MROH2B: variants seen among roughly 807,000 people sequenced by gnomAD.
MROH2B encodes maestro heat-like repeat-containing protein family member 2B.
In MROH2B, 177 loss-of-function variants were observed where a neutral mutation model predicts 208.6. That is an observed-to-expected ratio of 0.85 (90% confidence interval 0.75 to 0.96). MROH2B has a LOEUF of 0.96. MROH2B is among the 40% of genes least tolerant of loss of function. MROH2B has a pLI of 0.00. For synonymous variants in MROH2B, 728 were observed against 659.0 expected, an observed-to-expected ratio of 1.10 and a Z score of -1.60; for missense variants, 2,002 against 1,878.7, an observed-to-expected ratio of 1.07 and a Z score of -1.21.
chr5:41,010,373 G>A (rs530797193), intron 30 of MROH2B, among the ~76,000 whole-genome samples: 2 of 152,142 alleles, frequency 1.3e-5, no homozygotes, highest in South Asian at 4.1e-4. Flanking sequence ...TTTGCAAAAT[G>A]AGTGATCCAA....
intron 5 of MROH2B, among the ~76,000 whole-genome samples, chr5:41,062,361 G>C (rs891405846): frequency 2.6e-5 from 4 of 152,132 alleles, no homozygotes; most frequent in African/African-American, 9.7e-5. Context: ...GTTACCCTTT[G>C]AAGGTAACAT....
intron 1 of MROH2B, 94 bp downstream of exon 1, chr5:41,070,731 G>C (rs536504273): frequency 7.9e-7 from 1 of 1,265,138 alleles, no homozygotes; most frequent in East Asian, 2.5e-5. Flanking sequence ...CTCCCACAAT[G>C]ACGCGCCACT....
intron 30 of MROH2B, among the ~76,000 whole-genome samples, chr5:41,010,725 G>A (rs116479620): frequency 6.6e-6 from 1 of 152,148 alleles, no homozygotes; most frequent in Admixed American, 6.5e-5. Flanking sequence ...CAAACCCATA[G>A]ACTGTACAAC....
chr5:41,001,986 T>C (rs1371523744), intron 37 of MROH2B, among the ~76,000 whole-genome samples: 1 of 152,170 alleles, frequency 6.6e-6, no homozygotes, highest in Non-Finnish European at 1.5e-5. Flanking sequence ...TAAAAAATGA[T>C]GGCTTGTTGG....
At chr5:41,056,183 A>G (rs377568105) in intron 9 of MROH2B, among the ~76,000 whole-genome samples, 6 of 152,236 alleles carry the variant, frequency 3.9e-5, no homozygotes, top group African/African-American at 1.4e-4. Context: ...CAGGAAAAGG[A>G]GAAGAGACAT....
intron 7 of MROH2B, among the ~76,000 whole-genome samples, chr5:41,057,622 T>A (rs367764930): frequency 7.7e-6 from 1 of 129,726 alleles, no homozygotes; most frequent in Non-Finnish European, 1.6e-5. Context: ...AATGGCGCAA[T>A]CTCGGTTCAC....
chr5:41,054,987 C>T (rs1196500803), intron 10 of MROH2B, 147 bp from the exon 11 acceptor site: 1 of 496,108 alleles, frequency 2.0e-6, no homozygotes, highest in Non-Finnish European at 3.5e-6. Context: ...GCCCTCCCAT[C>T]CTCTTTGTTT....
chr5:41,015,324 C>T, intron 29 of MROH2B, 57 bp downstream of exon 29: 1 of 1,468,674 alleles, frequency 6.8e-7, no homozygotes, highest in Non-Finnish European at 9.5e-7. Context: ...ATGTAGCTTA[C>T]TCATTTGGAA....
At position 41,004,655 on chromosome 5, in the gene MROH2B, A is replaced by C; in HGVS notation, c.4011+119T>G. 5 of 1,519,352 alleles carry C rather than the reference A, an allele frequency of 3.3e-6. No homozygotes were observed. In the South Asian group the frequency reaches 5.2e-5, roughly 16 times the overall value. 94.1% of individuals were successfully genotyped at this position (1,519,352 alleles called of 1,614,324 possible). Reference sequence around the variant, plus strand: ...CATGTAGTTCAACCGAAGGACTACCACTTCAGCAATGTATCTGGATTTCCA... The same window carrying C: ...CATGTAGTTCAACCGAAGGACTACCCCTTCAGCAATGTATCTGGATTTCCA... On this transcript the variant is annotated intron_variant, in intron 36 of 41. Transcript: ENST00000399564.
intron 40 of MROH2B, among the ~76,000 whole-genome samples, chr5:40,999,147 C>A (rs1442969304): frequency 1.3e-5 from 2 of 152,150 alleles, no homozygotes; most frequent in Non-Finnish European, 2.9e-5. Flanking sequence ...ATAGAAGGAT[C>A]TCTAGAGATT....
At chr5:41,009,881 G>A (rs777047125) in intron 31 of MROH2B, 41 bp downstream of exon 31, 115 of 1,566,944 alleles carry the variant, frequency 7.3e-5, no homozygotes, top group Non-Finnish European at 9.7e-5. Context: ...CTTTCAGAGT[G>A]GCCTTCCCTA....
In MROH2B at chr5:41,012,727, A is replaced by G; in HGVS notation, c.2991T>C (p.Ser997=). Residue 997 remains serine, a synonymous_variant, in exon 30 of 42, where the codon AGT becomes AGC. Transcript: ENST00000399564. ...KISSKIAKIV[S]KFIPNEEILM... Reference sequence around the variant, plus strand: ...GAATTTCTTCATTTGGGATGAACTTACTGACAATCTGAAAATGCACCCAGA... The same window carrying G: ...GAATTTCTTCATTTGGGATGAACTTGCTGACAATCTGAAAATGCACCCAGA... The G allele has an allele frequency of 6.2e-7, 1 of 1,613,350 alleles. No individual in the cohort carries two copies. The highest frequency in any genetic ancestry group is 8.5e-7 in the Non-Finnish European group (1 of 1,179,632).
At position 41,027,318 on chromosome 5, in the gene MROH2B, C is replaced by A. The variant is rs571013892; in HGVS notation, c.2441+5424G>T. Among the ~76,000 whole-genome samples the A allele has an allele frequency of 1.3e-3, 195 of 152,272 alleles. 2 individuals carry two copies. Among genetic ancestry groups the A allele is most frequent in the African/African-American group, 4.5e-3 (185 of 41,548 alleles). On this transcript the variant is annotated intron_variant, in intron 24 of 41. Transcript: ENST00000399564. ...ACAAAGGGCTAATATCCAGAATCTA[C>A]AATGAACTCAAACAAATTTACAAGG...
At chr5:41,009,676 T>C (rs182935501) in intron 31 of MROH2B, among the ~76,000 whole-genome samples, 8 of 152,338 alleles carry the variant, frequency 5.3e-5, no homozygotes, top group Admixed American at 2.6e-4. Flanking sequence ...TATTCACTTT[T>C]TAATATTCTC....
chr5:41,009,191 T>C (rs1450518079), intron 32 of MROH2B, 89 bp downstream of exon 32: 1 of 1,525,430 alleles, frequency 6.6e-7, no homozygotes, highest in East Asian at 2.3e-5. Flanking sequence ...GAGGTGTCAT[T>C]AATGTGACAG....
At chr5:41,051,214 G>T in intron 12 of MROH2B, 124 bp from the exon 13 acceptor site, 1 of 474,344 alleles carries the variant, frequency 2.1e-6, no homozygotes, top group South Asian at 6.4e-5. Context: ...AGGGGCTCAT[G>T]GAACCTAGAT....
At chr5:41,021,888 C>CA (rs1208993492) in intron 24 of MROH2B, among the ~76,000 whole-genome samples, 4 of 151,250 alleles carry the variant, frequency 2.6e-5, no homozygotes, top group South Asian at 2.1e-4. Context: ...AAAACAAAAG[C>CA]AAAAAAAGAG....
chr5:41,047,855 T>G, intron 16 of MROH2B, 91 bp from the exon 17 acceptor site: 6 of 1,068,368 alleles, frequency 5.6e-6, no homozygotes, highest in Non-Finnish European at 8.3e-6. Context: ...GATACTGGAG[T>G]TCTATTTTAA....
chr5:41,032,850 T>G (rs1163062464), intron 23 of MROH2B, 29 bp from the exon 24 acceptor site: 1 of 1,598,118 alleles, frequency 6.3e-7, no homozygotes, highest in Non-Finnish European at 8.5e-7. Flanking sequence ...GATTAAATGT[T>G]TCAGAAAGGC....
Sources: allele counts gnomAD v4.1 joint callset (sites outside exome capture counted in the v4.1 genomes callset), GRCh38; gene constraint gnomAD v4.1.1; transcripts MANE v1.5; gene names NCBI Gene and HGNC (gene_info 2026-07-23, HGNC 2026-07-21).